MEGF6: variants seen among roughly 807,000 people sequenced by gnomAD.
MEGF6 encodes the protein multiple EGF like domains 6.
Under a neutral mutation model 207.1 loss-of-function variants are expected in MEGF6, and 184 were observed. The ratio of observed to expected loss-of-function variants is 0.89; its 90% CI spans 0.79 to 1.00. The LOEUF is 1.00. Among genes scored for constraint, MEGF6 ranks in the 50% least tolerant of loss-of-function variants. MEGF6 has a pLI of 0.00. For missense variants in MEGF6, 2,282 were observed against 2,202.9 expected (o/e 1.04, Z -0.72); for synonymous variants, 1,038 against 910.0 (o/e 1.14, Z -2.53).
At position 3,498,409 on chromosome 1, in the gene MEGF6, A is replaced by G; in HGVS notation, c.3314T>C (p.Leu1105Pro). ...GLCDPHTGRCLCPAGWTGDKC... is the reference protein window; with the variant it reads ...GLCDPHTGRCPCPAGWTGDKC... ...GTCCCCAGTCCAGCCGGCTGGGCAG[A>G]GGCAGCGGCCCGTGTGCGGGTCACA... The change falls in exon 26 of 37, where the codon CTC (leucine) becomes CCC (proline). Residue 1105 changes from leucine to proline, a missense_variant. Transcript: ENST00000356575. The G allele has an allele frequency of 3.8e-6, 6 of 1,596,346 alleles. No individual in the cohort carries two copies. The highest frequency in any genetic ancestry group is 1.3e-5 in the African/African-American group (1 of 74,756).
At chr1:3,503,214 A>C (rs1450924906) in intron 17 of MEGF6, among the ~76,000 whole-genome samples, 2 of 152,172 alleles carry the variant, frequency 1.3e-5, no homozygotes, top group African/African-American at 2.4e-5. Flanking sequence ...GGACACAGGC[A>C]CGTCCCTGGG....
At chr1:3,622,842 C>T in the MEGF6 span, among the ~76,000 whole-genome samples, 2 of 152,140 alleles carry the variant, frequency 1.3e-5, no homozygotes, top group African/African-American at 4.8e-5. Flanking sequence ...TGACAGAAGC[C>T]CCAGGAAACT....
chr1:3,566,609 G>A (rs1643349513), intron 4 of MEGF6, among the ~76,000 whole-genome samples: 4 of 152,194 alleles, frequency 2.6e-5, no homozygotes, highest in Non-Finnish European at 5.9e-5. Flanking sequence ...CAGCCGCTCG[G>A]CCCATCAGAG....
chr1:3,595,735 C>T (rs1455423213), intron 2 of MEGF6, among the ~76,000 whole-genome samples: 1 of 152,208 alleles, frequency 6.6e-6, no homozygotes, highest in Non-Finnish European at 1.5e-5. Context: ...GGCCCCCTCC[C>T]TCCCGACGGT....
chr1:3,568,628 GC>G (rs965192903), intron 4 of MEGF6, among the ~76,000 whole-genome samples: 3 of 152,134 alleles, frequency 2.0e-5, no homozygotes, highest in African/African-American at 7.2e-5. Context: ...GCCCCTTCGA[GC>G]CACCTCTGTT....
chr1:3,497,550 G>C, intron 26 of MEGF6, 189 bp from the exon 27 acceptor site: 1 of 790,784 alleles, frequency 1.3e-6, no homozygotes, highest in African/African-American at 1.7e-5. Context: ...CCGGTGGCAA[G>C]GTGGCAGGGG....
At chr1:3,604,199 A>G (rs1448520558) in intron 1 of MEGF6, among the ~76,000 whole-genome samples, 1 of 152,180 alleles carries the variant, frequency 6.6e-6, no homozygotes, top group Non-Finnish European at 1.5e-5. Flanking sequence ...TGTCCTGCCC[A>G]TGACCTCCTG....
In MEGF6 at chr1:3,509,075, C is replaced by A. The variant is rs1336568781; in HGVS notation, c.1528G>T (p.Val510Phe). ...CCCCGGGGGCTGGGCCCGCGCTCAC[C>A]AAACTTCTCTGTGAGCGTGTGTTCG... is the stretch of plus-strand genomic sequence containing the variant. ...RGEHTLTEKF[V>F]CLDDSFGHDC... Residue 510 changes from valine to phenylalanine, a missense_variant and splice_region_variant, in exon 12 of 37, where the codon GTC becomes TTC. By Grantham distance (50) the Val-to-Phe change is conservative. Transcript: ENST00000356575. The A allele has an allele frequency of 6.3e-7, 1 of 1,587,560 alleles. No individual in the cohort carries two copies. The highest frequency in any genetic ancestry group is 1.8e-5 in the Admixed American group (1 of 56,258).
At chr1:3,527,547 C>T (rs567537386) in intron 4 of MEGF6, among the ~76,000 whole-genome samples, 12 of 152,346 alleles carry the variant, frequency 7.9e-5, no homozygotes, top group African/African-American at 2.6e-4. Context: ...ACCATGAAGT[C>T]GCCACCACAA....
intron 5 of MEGF6, among the ~76,000 whole-genome samples, chr1:3,520,743 C>T (rs1269807030): frequency 2.6e-5 from 4 of 152,180 alleles, no homozygotes; most frequent in African/African-American, 9.7e-5. Flanking sequence ...GAGGGGAACC[C>T]TTTTGGTGTC....
rs1169676373 is a variant in MEGF6, at chr1:3,496,679, A to T, written c.3718T>A (p.Phe1240Ile). The change falls in exon 29 of 37, where the codon TTC becomes ATC. Residue 1240 changes from phenylalanine (F) to isoleucine (I), a missense_variant. Transcript: ENST00000356575. The stretch of plus-strand genomic sequence containing the variant: ...CTGAGGTTGCAGTCCGTCCCGAGGA[A>T]CCCAGTGGGGCAGCGGCAGGCCCCC... Reference protein sequence around the residue: ...ATGACRCPTGFLGTDCNLTCP... With the variant: ...ATGACRCPTGILGTDCNLTCP... 6.4e-7 allele frequency: 1 copy of T among 1,570,556 alleles called. No homozygotes were observed. The highest frequency in any genetic ancestry group is 1.8e-5 in the Admixed American group (1 of 54,442).
intron 4 of MEGF6, among the ~76,000 whole-genome samples, chr1:3,537,750 G>A (rs1642379099): frequency 6.6e-6 from 1 of 152,236 alleles, no homozygotes; most frequent in African/African-American, 2.4e-5. Flanking sequence ...CATTGGTAAG[G>A]GGACCTGGCC....
At position 3,542,708 on chromosome 1, in the gene MEGF6, T is replaced by TA. The variant is rs143517747; in HGVS notation, c.482-18463dup. Among the ~76,000 whole-genome samples, 354 of 152,212 alleles carry TA rather than the reference T, an allele frequency of 2.3e-3. 1 individual carries two copies. The highest frequency in any genetic ancestry group is 8.2e-3 in the African/African-American group (342 of 41,536). ...GCTGAGAGCAGGACTTGCCGCATCT[T>TA]ACAGAGAGAGACTGGAGTTCAGAGT... On this transcript the variant is annotated intron_variant, in intron 4 of 36. Transcript: ENST00000356575.
At chr1:3,491,371 G>T (rs111353806) in intron 35 of MEGF6, among the ~76,000 whole-genome samples, 70 of 152,142 alleles carry the variant, frequency 4.6e-4, no homozygotes, top group African/African-American at 1.1e-3. Flanking sequence ...CCGGCAGCCG[G>T]CGGTGCAGTA....
At chr1:3,506,010 T>C (rs902582358) in intron 15 of MEGF6, 98 bp downstream of exon 15, 3 of 1,449,488 alleles carry the variant, frequency 2.1e-6, no homozygotes, top group African/African-American at 2.9e-5. Context: ...TGGGCCCCGA[T>C]AGCCTCATCC....
At chr1:3,528,993 G>T (rs536399506) in intron 4 of MEGF6, among the ~76,000 whole-genome samples, 1 of 152,304 alleles carries the variant, frequency 6.6e-6, no homozygotes, top group Non-Finnish European at 1.5e-5. Context: ...GGACCATCTG[G>T]GCTGGAAATC....
In MEGF6 at chr1:3,489,106, G is replaced by T. The variant is rs910580960; in HGVS notation, c.*1422C>A. Among the ~76,000 whole-genome samples, 1 of 152,164 alleles carries T rather than the reference G, an allele frequency of 6.6e-6. No homozygotes were observed. Among genetic ancestry groups the T allele is most frequent in the Non-Finnish European group, 1.5e-5 (1 of 68,034 alleles). ...TTTTCCACACTCCGTCTGCACCCCAGTCCGTCTCTCTCTGGCTGCTGCTTC... is the reference window on the plus strand; with the variant it reads ...TTTTCCACACTCCGTCTGCACCCCATTCCGTCTCTCTCTGGCTGCTGCTTC... On this transcript the variant is annotated 3_prime_UTR_variant, in exon 37 of 37. Transcript: ENST00000356575.
chr1:3,582,343 G>A (rs571030733), intron 3 of MEGF6, among the ~76,000 whole-genome samples: 1 of 152,204 alleles, frequency 6.6e-6, no homozygotes, highest in African/African-American at 2.4e-5. Flanking sequence ...CAGACCAGGG[G>A]TCTGGGAGAT....
chr1:3,560,615 C>A lies in MEGF6; in HGVS notation c.481+19210G>T. 2 of 405,082 alleles carry A rather than the reference C, an allele frequency of 4.9e-6. No individual in the cohort carries two copies. The highest frequency in any genetic ancestry group is 5.2e-6 in the Non-Finnish European group (1 of 193,232). The allele number at this position is 405,082 out of a possible 1,614,324, so 25.1% of individuals were successfully genotyped here. A position where few individuals can be genotyped will look rare whatever the true frequency, so the allele number is the denominator to read the frequency against. On this transcript the variant is annotated intron_variant, in intron 4 of 36. Transcript: ENST00000356575. The surrounding 1 kb of genome is among the most constrained non-coding windows in gnomAD (Gnocchi z 4.0). ...TTCTCCAAGAGAAACGCTCCATAGG[C>A]AGGGAAAGGCTCTGGGGATCCGGGG...
Sources: allele counts gnomAD v4.1 joint callset (sites outside exome capture counted in the v4.1 genomes callset), GRCh38; gene constraint gnomAD v4.1.1; non-coding constraint Gnocchi (gnomAD v3.1); transcripts MANE v1.5; gene names NCBI Gene and HGNC (gene_info 2026-07-23, HGNC 2026-07-21).